The following HSPA12A variants were observed in gnomAD, a reference collection of about 807,000 sequenced individuals.
The protein encoded by HSPA12A is heat shock 70 kDa protein 12A.
A neutral mutation model predicts 69.2 loss-of-function variants in HSPA12A; 28 were observed. The observed-to-expected ratio is 0.40, with a 90% CI of 0.30 to 0.55. The LOEUF (loss-of-function observed/expected upper bound fraction) is 0.55. Ranked by LOEUF, HSPA12A falls within the 20% of genes least tolerant of loss-of-function variation. HSPA12A has a pLI of 0.38. For synonymous variants in HSPA12A, 345 were observed against 370.5 expected (o/e 0.93, Z 0.79); for missense variants, 686 against 900.7 (o/e 0.76, Z 3.05).
At chr10:116,836,855 T>C (rs1301168243) in intron 1 of HSPA12A, among the ~76,000 whole-genome samples, 1 of 152,098 alleles carries the variant, frequency 6.6e-6, no homozygotes, top group Non-Finnish European at 1.5e-5. Context: ...AGAAATTCTT[T>C]TCTTCATCAC....
At chr10:116,831,615 G>C (rs181352324) in intron 2 of HSPA12A, 1 of 152,264 alleles carries the variant, frequency 6.6e-6, no homozygotes, top group Non-Finnish European at 1.5e-5. Flanking sequence ...CCTTTCCGGG[G>C]TCCCCATCGC....
chr10:116,676,568 A>G (rs782222751), intron 10 of HSPA12A, 66 bp from the exon 11 acceptor site: 2 of 1,214,822 alleles, frequency 1.6e-6, no homozygotes, highest in Non-Finnish European at 2.4e-6. Context: ...GCTTATCTGC[A>G]TAGACACCTG....
At chr10:116,795,891 A>G (rs1844811456) in intron 2 of HSPA12A, among the ~76,000 whole-genome samples, 1 of 151,652 alleles carries the variant, frequency 6.6e-6, no homozygotes, top group Non-Finnish European at 1.5e-5. Context: ...TCATGCCTGT[A>G]ATCCTAGCAC....
At chr10:116,780,405 G>A (rs782697874) in intron 2 of HSPA12A, among the ~76,000 whole-genome samples, 2 of 151,880 alleles carry the variant, frequency 1.3e-5, no homozygotes, top group Non-Finnish European at 2.9e-5. Flanking sequence ...AGGCTGGAGT[G>A]CAGAGGTGCA....
chr10:116,697,017 C>T (rs1324097051), intron 5 of HSPA12A, among the ~76,000 whole-genome samples: 1 of 152,100 alleles, frequency 6.6e-6, no homozygotes, highest in African/African-American at 2.4e-5. Flanking sequence ...ACCACTCTGA[C>T]CCTGACCACA....
chr10:116,710,525 T>C lies in HSPA12A; in HGVS notation c.41-3240A>G, dbSNP rs1413600085. Among the ~76,000 whole-genome samples the C allele has an allele frequency of 6.6e-6, 1 of 152,160 alleles. No homozygotes were observed. Among genetic ancestry groups the C allele is most frequent in the Admixed American group, 6.5e-5 (1 of 15,272 alleles). Reference sequence around the variant, plus strand: ...TTTGAGGGCAAGAAGCAAGGATTTTTTGGTTCTGCTGTACCTCCCTTCAAC... The same window carrying C: ...TTTGAGGGCAAGAAGCAAGGATTTTCTGGTTCTGCTGTACCTCCCTTCAAC... On this transcript the variant is annotated intron_variant, in intron 1 of 11. Transcript: ENST00000369209. The surrounding 1 kb of genome is among the most constrained non-coding windows in gnomAD (Gnocchi z 4.1).
intron 2 of HSPA12A, among the ~76,000 whole-genome samples, chr10:116,781,398 G>C (rs1844460487): frequency 6.6e-6 from 1 of 152,166 alleles, no homozygotes; most frequent in African/African-American, 2.4e-5. Context: ...GCTCGGTCAG[G>C]CCTCAGTGAT....
chr10:116,729,439 G>A (rs1375990823), intron 1 of HSPA12A, among the ~76,000 whole-genome samples: 11 of 152,136 alleles, frequency 7.2e-5, no homozygotes, highest in Non-Finnish European at 1.2e-4. Context: ...CATGACTACA[G>A]TTGACCTTTG....
intron 2 of HSPA12A, among the ~76,000 whole-genome samples, chr10:116,779,697 C>T (rs567470479): frequency 1.2e-3 from 178 of 152,204 alleles, no homozygotes; most frequent in Non-Finnish European, 1.9e-3. Context: ...TGATTGACAC[C>T]CAGGCAGGTG....
At chr10:116,837,815 CA>C (rs544462723) in intron 1 of HSPA12A, among the ~76,000 whole-genome samples, 5,462 of 140,388 alleles carry the variant, frequency 0.039, 275 homozygotes, top group African/African-American at 0.12. Flanking sequence ...AAAAAGAATG[CA>C]AAAAAAAAAA....
intron 2 of HSPA12A, among the ~76,000 whole-genome samples, chr10:116,806,810 C>T (rs1424677377): frequency 1.3e-5 from 2 of 152,258 alleles, no homozygotes; most frequent in Admixed American, 6.5e-5. Context: ...GACCCGTGGC[C>T]CCCCAAAAGA....
At chr10:116,711,667 C>CTTTTT (rs371161580) in intron 1 of HSPA12A, among the ~76,000 whole-genome samples, 2 of 126,866 alleles carry the variant, frequency 1.6e-5, no homozygotes, top group African/African-American at 6.1e-5. Context: ...CTTTTTTTTT[C>CTTTTT]TTTTTTTTTT....
At chr10:116,805,101 G>A (rs1001767199) in intron 2 of HSPA12A, among the ~76,000 whole-genome samples, 1 of 152,166 alleles carries the variant, frequency 6.6e-6, no homozygotes, top group Admixed American at 6.5e-5. Flanking sequence ...TGGATCACGA[G>A]GTCAGGAGAT....
intron 2 of HSPA12A, among the ~76,000 whole-genome samples, chr10:116,816,206 G>A (rs974971310): frequency 3.2e-4 from 48 of 152,318 alleles, no homozygotes; most frequent in African/African-American, 1.1e-3. Flanking sequence ...CTCAGCAATC[G>A]CTGACCTTCC....
At chr10:116,756,551 G>A (rs1326821494) in intron 2 of HSPA12A, among the ~76,000 whole-genome samples, 2 of 152,194 alleles carry the variant, frequency 1.3e-5, no homozygotes, top group African/African-American at 4.8e-5. Flanking sequence ...CACCCTCTGG[G>A]CACCGGCCCA....
intron 2 of HSPA12A, among the ~76,000 whole-genome samples, chr10:116,815,017 C>T (rs924585261): frequency 5.9e-5 from 9 of 152,120 alleles, no homozygotes; most frequent in African/African-American, 2.2e-4. Context: ...CTTTTTACAC[C>T]ATCCCCTCTT....
intron 1 of HSPA12A, among the ~76,000 whole-genome samples, chr10:116,846,433 T>C (rs964108002): frequency 3.3e-5 from 5 of 151,618 alleles, no homozygotes; most frequent in Non-Finnish European, 7.4e-5. Flanking sequence ...CACTACAACC[T>C]CCGACTCCCA....
chr10:116,750,416 A>G (rs1360086534), intron 2 of HSPA12A: 4 of 670,754 alleles, frequency 6.0e-6, no homozygotes, highest in Admixed American at 1.9e-5. Flanking sequence ...AGGCTTGTCT[A>G]CCCCTCATGG....
Position 116,710,599 on chromosome 10 carries a change from A to G in HSPA12A, c.41-3314T>C, listed in dbSNP as rs1850392119. Among the ~76,000 whole-genome samples the G allele has an allele frequency of 6.6e-6, 1 of 152,152 alleles. No homozygotes were observed. The highest frequency in any genetic ancestry group is 1.5e-5 in the Non-Finnish European group (1 of 68,028). ...AAACAAATCATTTGACTTGCTGATC[A>G]CTCAGCCAGGCCTAGAGGCAGCCGA... On this transcript the variant is annotated intron_variant, in intron 1 of 11. Transcript: ENST00000369209. The surrounding 1 kb of genome is among the most constrained non-coding windows in gnomAD (Gnocchi z 4.1).
Sources: gnomAD v4.1 joint callset for allele counts (sites outside exome capture counted in the v4.1 genomes callset) on GRCh38, gnomAD v4.1.1 for gene constraint, Gnocchi (gnomAD v3.1) non-coding constraint, MANE v1.5 for transcripts, NCBI Gene and HGNC (gene_info 2026-07-23, HGNC 2026-07-21) for gene names.